Variants in GLB1 observed in about 807,000 individuals in gnomAD.
GLB1 encodes galactosidase beta 1.
Under a neutral mutation model 74.0 loss-of-function variants are expected in GLB1, and 56 were observed. The ratio of observed to expected loss-of-function variants is 0.76; its 90% CI spans 0.61 to 0.94. GLB1 has a LOEUF of 0.94. GLB1 is among the 40% of genes least tolerant of loss of function. The pLI, the probability that GLB1 is intolerant of heterozygous loss-of-function variation, is 0.00. For missense variants in GLB1, 787 were observed against 845.5 expected (o/e 0.93, Z 0.86); for synonymous variants, 323 against 323.6 (o/e 1.00, Z 0.02).
intron 1 of GLB1, among the ~76,000 whole-genome samples, chr3:33,080,500 T>C (rs534702708): frequency 6.6e-6 from 1 of 152,360 alleles, no homozygotes; most frequent in South Asian, 2.1e-4. Flanking sequence ...TTTTTGCCTT[T>C]CTGCCCCAAC....
rs201350483 is a variant in GLB1, at chr3:33,093,257, T to C, written c.75+3754A>G. ...CACTGCCACTGCCACCACCACCACG[T>C]TGGGCCCGTGTGGCGGAAATCTTCA... On this transcript the variant is annotated intron_variant, in intron 1 of 15. Transcript: ENST00000307363. This position sits in a 1 kb window ranked among gnomAD's most constrained non-coding sequence, Gnocchi z 6.0. 1.2e-6 allele frequency: 2 copies of C among 1,614,034 alleles called. No homozygotes were observed. Among genetic ancestry groups the C allele is most frequent in the East Asian group, 4.5e-5 (2 of 44,846 alleles).
chr3:33,092,512 G>T, intron 1 of GLB1: 4 of 1,106,198 alleles, frequency 3.6e-6, no homozygotes, highest in Non-Finnish European at 4.4e-6. Context: ...GCAACCCCGA[G>T]GGGAGGTTCA....
chr3:33,062,834 C>T (rs750982242), intron 5 of GLB1, among the ~76,000 whole-genome samples: 1 of 152,150 alleles, frequency 6.6e-6, no homozygotes, highest in South Asian at 2.1e-4. Flanking sequence ...GTCTACAAAT[C>T]CCCCGGTTCC....
At chr3:33,023,895 A>G (rs1487832220) in intron 11 of GLB1, among the ~76,000 whole-genome samples, 1 of 152,224 alleles carries the variant, frequency 6.6e-6, no homozygotes, top group Non-Finnish European at 1.5e-5. Context: ...AAAGGTAAAT[A>G]CGACAAAGAG....
At chr3:33,096,404 C>G (rs528169861) in intron 1 of GLB1, 3 of 968,652 alleles carry the variant, frequency 3.1e-6, no homozygotes, top group African/African-American at 1.8e-5. Context: ...CTATTCCCCC[C>G]CTCAACCTGG....
the GLB1 span, among the ~76,000 whole-genome samples, chr3:32,983,163 C>A: frequency 6.6e-6 from 1 of 152,038 alleles, no homozygotes. Context: ...TCTAGAAAAT[C>A]CTCATCCATT....
intron 6 of GLB1, among the ~76,000 whole-genome samples, chr3:33,057,414 C>T (rs769823508): frequency 1.3e-5 from 2 of 152,158 alleles, no homozygotes; most frequent in Non-Finnish European, 2.9e-5. Flanking sequence ...TTATGAAAGC[C>T]ACTCTCCTAA....
chr3:33,007,211 G>T (rs571594718), intron 15 of GLB1, among the ~76,000 whole-genome samples: 161 of 152,322 alleles, frequency 1.1e-3, no homozygotes, highest in African/African-American at 3.6e-3. Context: ...GATGGGCCTT[G>T]TGTGTGGCAC....
At chr3:33,020,901 C>G (rs1697442585) in intron 12 of GLB1, among the ~76,000 whole-genome samples, 1 of 152,006 alleles carries the variant, frequency 6.6e-6, no homozygotes, top group Non-Finnish European at 1.5e-5. Flanking sequence ...ACTACATACA[C>G]AGAGAGAAAA....
intron 10 of GLB1, among the ~76,000 whole-genome samples, chr3:33,025,526 T>A (rs966209440): frequency 2.0e-5 from 3 of 152,192 alleles, no homozygotes; most frequent in Non-Finnish European, 4.4e-5. Context: ...TTTTTTGGTT[T>A]CCCTTTCTAA....
intron 6 of GLB1, among the ~76,000 whole-genome samples, chr3:33,056,153 G>A (rs1699207237): frequency 1.4e-5 from 2 of 140,182 alleles, no homozygotes; most frequent in African/African-American, 2.7e-5. Flanking sequence ...CTTGAACCCA[G>A]GAGGCAGAGG....
At chr3:33,087,621 ACACACACACT>A (rs1700573417) in intron 1 of GLB1, among the ~76,000 whole-genome samples, 4 of 149,430 alleles carry the variant, frequency 2.7e-5, no homozygotes, top group African/African-American at 1.0e-4. Flanking sequence ...ACACACACAC[ACACACACACT>A]CAAAGAAAAA....
At chr3:33,088,240 CAT>C (rs1161320728) in intron 1 of GLB1, among the ~76,000 whole-genome samples, 1 of 152,126 alleles carries the variant, frequency 6.6e-6, no homozygotes, top group Non-Finnish European at 1.5e-5. Flanking sequence ...TTCTACTCAA[CAT>C]AGTTTTGGAA....
intron 1 of GLB1, among the ~76,000 whole-genome samples, chr3:33,078,197 T>C (rs184564633): frequency 1.3e-5 from 2 of 152,342 alleles, no homozygotes; most frequent in Admixed American, 6.5e-5. Context: ...TGAGATGTGA[T>C]AGGGCCACTG....
chr3:33,011,139 T>C (rs972322663), intron 15 of GLB1, among the ~76,000 whole-genome samples: 1 of 152,166 alleles, frequency 6.6e-6, no homozygotes, highest in Non-Finnish European at 1.5e-5. Flanking sequence ...TTTACAGGCA[T>C]GAGCCACCAC....
chr3:33,031,643 ATATATATATATATATAT>A (rs1698040727), intron 10 of GLB1, among the ~76,000 whole-genome samples: 28 of 40,202 alleles, frequency 7.0e-4, no homozygotes, highest in African/African-American at 2.4e-3. Flanking sequence ...AAAAAAAAAT[ATATATATATATATATAT>A]ATATATATAT....
At chr3:33,034,644 C>T (rs1423463088) in intron 10 of GLB1, 9 of 725,912 alleles carry the variant, frequency 1.2e-5, no homozygotes, top group Non-Finnish European at 1.8e-5. Flanking sequence ...ATGTAGCATG[C>T]GGGCAGGTCC....
rs574257209 is a variant in GLB1 at position 33,002,738 on chromosome 3, T to A, written c.1735-5394A>T. ...TACTGTTTTAAGTTGTAGTTTAAAA[T>A]TTTCCAAAATTTTTTGGGAGCTCCT... On this transcript the variant is annotated intron_variant, in intron 15 of 15. Transcript: ENST00000307363. Among the ~76,000 whole-genome samples the A allele has an allele frequency of 3.5e-4, 54 of 152,254 alleles. No individual in the cohort carries two copies. In the South Asian group the frequency reaches 0.011, roughly 32 times the overall value.
rs1045278438 is a variant in GLB1, at chr3:33,091,018, C to G, written c.75+5993G>C. Reference sequence around the variant, plus strand: ...AAATCAAGAAACCAGTGAAATAACACGTAACAGGTGAGTCAAACATTACCA... The same window carrying G: ...AAATCAAGAAACCAGTGAAATAACAGGTAACAGGTGAGTCAAACATTACCA... On this transcript the variant is annotated intron_variant, in intron 1 of 15. Coordinates refer to ENST00000307363, the MANE Select transcript of GLB1 (RefSeq NM_000404.4). 3.0e-6 allele frequency: 3 copies of G among 985,150 alleles called. No homozygotes were observed. The East Asian group carries it at 3.4e-4, about 112-fold the overall frequency. 61.0% of individuals were successfully genotyped at this position (985,150 alleles called of 1,614,324 possible). A position where few individuals can be genotyped will look rare whatever the true frequency, so the allele number is the denominator to read the frequency against.
Sources: allele counts gnomAD v4.1 joint callset (sites outside exome capture counted in the v4.1 genomes callset), GRCh38; gene constraint gnomAD v4.1.1; non-coding constraint Gnocchi (gnomAD v3.1); transcripts MANE v1.5; gene names NCBI Gene and HGNC (gene_info 2026-07-23, HGNC 2026-07-21).